Variants in HTR4 observed in about 807,000 individuals in gnomAD.
HTR4 encodes the protein 5-hydroxytryptamine receptor 4.
HTR4 carries 16 observed loss-of-function variants against 36.8 expected under a neutral mutation model. The observed-to-expected ratio is 0.43, with a 90% CI of 0.29 to 0.66. HTR4 has a LOEUF of 0.66. Among genes scored for constraint, HTR4 ranks in the 30% least tolerant of loss-of-function variants. HTR4 has a pLI of 0.13. For synonymous variants in HTR4, 189 were observed against 185.1 expected (o/e 1.02, Z -0.17); for missense variants, 438 against 490.9 (o/e 0.89, Z 1.02).
At chr5:148,485,230 T>G (rs1301201127) in intron 6 of HTR4, among the ~76,000 whole-genome samples, 1 of 152,218 alleles carries the variant, frequency 6.6e-6, no homozygotes, top group East Asian at 1.9e-4. Flanking sequence ...TGTGCCTTAA[T>G]TCATGTATTA....
intron 5 of HTR4, among the ~76,000 whole-genome samples, chr5:148,522,615 C>CAAT (rs2113795999): frequency 6.6e-6 from 1 of 152,202 alleles, no homozygotes; most frequent in East Asian, 1.9e-4. Context: ...AGACTTTATT[C>CAAT]AGGACTATCA....
Position 148,599,275 on chromosome 5 carries a change from A to T in HTR4, c.26+37714T>A, listed in dbSNP as rs150950978. The stretch of plus-strand genomic sequence containing the variant: ...AACACATCAAATCACAAATCAAGAA[A>T]TATTATGACCGCAACCAAGATCAAT... On this transcript the variant is annotated intron_variant, in intron 2 of 6. Transcript: ENST00000377888. 1.7e-3 allele frequency among the ~76,000 whole-genome samples: 253 copies of T among 152,304 alleles called. 3 individuals carry two copies. Among genetic ancestry groups the T allele is most frequent in the African/African-American group, 5.7e-3 (238 of 41,580 alleles).
chr5:148,612,430 T>G (rs1235676695), intron 2 of HTR4, among the ~76,000 whole-genome samples: 3 of 149,410 alleles, frequency 2.0e-5, no homozygotes, highest in African/African-American at 7.4e-5. Flanking sequence ...GAATGACTAC[T>G]GGGTACATAA....
chr5:148,479,198 T>C (rs955898588), downstream of HTR4, among the ~76,000 whole-genome samples: 1 of 152,136 alleles, frequency 6.6e-6, no homozygotes, highest in Admixed American at 6.5e-5. Flanking sequence ...GAGGCCTTGA[T>C]GAAGGTGACA....
chr5:148,582,359 T>G (rs1340635681), intron 2 of HTR4, among the ~76,000 whole-genome samples: 1 of 152,042 alleles, frequency 6.6e-6, no homozygotes, highest in Admixed American at 6.6e-5. Flanking sequence ...GGGTATATTG[T>G]GTGATGCTGA....
intron 5 of HTR4, among the ~76,000 whole-genome samples, chr5:148,518,410 G>T (rs908631124): frequency 6.6e-6 from 1 of 152,116 alleles, no homozygotes. Flanking sequence ...TAGAGCAAAA[G>T]AATATGTAAA....
At chr5:148,505,416 A>T (rs1418289113) in intron 6 of HTR4, among the ~76,000 whole-genome samples, 2 of 152,224 alleles carry the variant, frequency 1.3e-5, no homozygotes, top group African/African-American at 2.4e-5. Flanking sequence ...AGCCAATATC[A>T]CACTGAATGG....
chr5:148,537,062 A>G (rs1177084224), intron 4 of HTR4, among the ~76,000 whole-genome samples: 3 of 152,190 alleles, frequency 2.0e-5, no homozygotes, highest in Non-Finnish European at 4.4e-5. Flanking sequence ...TGCAATAAAA[A>G]CAGAAGTCAA....
chr5:148,637,793 T>C (rs1205235406), intron 1 of HTR4, among the ~76,000 whole-genome samples: 1 of 152,202 alleles, frequency 6.6e-6, no homozygotes, highest in Non-Finnish European at 1.5e-5. Flanking sequence ...AGTTCCATTT[T>C]TGCATTTTTA....
At chr5:148,490,226 C>T (rs1392099066) in intron 6 of HTR4, among the ~76,000 whole-genome samples, 1 of 148,252 alleles carries the variant, frequency 6.7e-6, no homozygotes, top group Admixed American at 6.8e-5. Flanking sequence ...TATATATATC[C>T]TGATCAGTAA....
intron 2 of HTR4, among the ~76,000 whole-genome samples, chr5:148,589,653 T>A (rs1455019445): frequency 6.6e-6 from 1 of 152,188 alleles, no homozygotes. Flanking sequence ...TTTTTCACTT[T>A]GTTTTGGGCA....
intron 2 of HTR4, among the ~76,000 whole-genome samples, chr5:148,586,989 T>C (rs1407356893): frequency 6.6e-6 from 1 of 152,140 alleles, no homozygotes; most frequent in African/African-American, 2.4e-5. Context: ...CAGCACAGTG[T>C]TTCTGAAACA....
intron 6 of HTR4, among the ~76,000 whole-genome samples, chr5:148,487,770 C>G (rs531194517): frequency 2.6e-5 from 4 of 151,948 alleles, no homozygotes; most frequent in Admixed American, 2.0e-4. Context: ...GTAGAGAGAG[C>G]GAGCTTAGAG....
intron 2 of HTR4, among the ~76,000 whole-genome samples, chr5:148,588,028 G>A (rs1398157529): frequency 6.6e-6 from 1 of 152,052 alleles, no homozygotes; most frequent in Non-Finnish European, 1.5e-5. Context: ...GCTGGATTTG[G>A]GGACCTCTGA....
chr5:148,637,734 A>T (rs1003484147), intron 1 of HTR4, among the ~76,000 whole-genome samples: 26 of 152,280 alleles, frequency 1.7e-4, no homozygotes, highest in African/African-American at 5.5e-4. Flanking sequence ...TCTTTAATGG[A>T]TGGGCATTCA....
chr5:148,514,777 A>C (rs1757658786), intron 5 of HTR4, among the ~76,000 whole-genome samples: 2 of 152,158 alleles, frequency 1.3e-5, no homozygotes, highest in East Asian at 3.9e-4. Context: ...TCATTATGAA[A>C]TATTTCTACC....
intron 2 of HTR4, among the ~76,000 whole-genome samples, chr5:148,578,604 C>T (rs1172662135): frequency 1.3e-5 from 2 of 152,080 alleles, no homozygotes; most frequent in Non-Finnish European, 2.9e-5. Context: ...ACGGTATAAT[C>T]GCTAAAAGCA....
chr5:148,515,597 G>A (rs1206117041), intron 5 of HTR4, among the ~76,000 whole-genome samples: 5 of 152,024 alleles, frequency 3.3e-5, no homozygotes, highest in African/African-American at 7.2e-5. Context: ...TTTTCATTGG[G>A]TATAGAATTC....
chr5:148,628,918 A>G (rs1753217853), intron 2 of HTR4: 1 of 152,158 alleles, frequency 6.6e-6, no homozygotes, highest in African/African-American at 2.4e-5. Flanking sequence ...CCTTCCATCT[A>G]GACCATGCTG....
Sources: allele counts gnomAD v4.1 joint callset (sites outside exome capture counted in the v4.1 genomes callset), GRCh38; gene constraint gnomAD v4.1.1; transcripts MANE v1.5; gene names NCBI Gene and HGNC (gene_info 2026-07-23, HGNC 2026-07-21).